The following LRP1B variants were observed in gnomAD, a reference collection of about 807,000 sequenced individuals.
LRP1B encodes the protein low-density lipoprotein receptor-related protein 1B.
A neutral mutation model predicts 556.6 loss-of-function variants in LRP1B; 217 were observed. That is an observed-to-expected ratio of 0.39 (90% CI 0.35 to 0.44). LRP1B has a LOEUF of 0.44. LRP1B is among the 20% of genes least tolerant of loss of function. LRP1B has a pLI of 1.00. For missense variants in LRP1B, 5,053 were observed against 5,620.8 expected (o/e 0.90, Z 3.23); for synonymous variants, 2,047 against 1,865.8 (o/e 1.10, Z -2.50).
intron 66 of LRP1B, among the ~76,000 whole-genome samples, chr2:140,439,867 A>T (rs997278524): frequency 1.3e-5 from 2 of 152,064 alleles, no homozygotes; most frequent in Admixed American, 1.3e-4. Context: ...ATTTCAGTAA[A>T]TATAAATATA....
At chr2:141,874,200 G>A (rs1231424680) in intron 1 of LRP1B, among the ~76,000 whole-genome samples, 2 of 146,918 alleles carry the variant, frequency 1.4e-5, no homozygotes, top group African/African-American at 5.1e-5. Flanking sequence ...TGACCAGCTG[G>A]CATACATTTC....
chr2:141,896,421 A>C (rs1169000400), intron 1 of LRP1B, among the ~76,000 whole-genome samples: 1 of 152,204 alleles, frequency 6.6e-6, no homozygotes. Flanking sequence ...TGTTTACATG[A>C]AACCATACTG....
chr2:141,572,956 G>A (rs552866750), intron 2 of LRP1B, among the ~76,000 whole-genome samples: 1 of 152,124 alleles, frequency 6.6e-6, no homozygotes, highest in African/African-American at 2.4e-5. Flanking sequence ...CATAAAACAA[G>A]TTCTTAGAGA....
chr2:141,471,268 A>ATGTTTTTTTTTTTTTTTTTTTTTTTTTT (rs1553518973), intron 3 of LRP1B, among the ~76,000 whole-genome samples: 5 of 31,900 alleles, frequency 1.6e-4, no homozygotes, highest in Non-Finnish European at 1.6e-4. Flanking sequence ...ATACCCTGGT[A>ATGTTTTTTTTTTTTTTTTTTTTTTTTTT]TTTTTTTTTT....
Position 142,088,064 on chromosome 2 carries a change from T to A in LRP1B, c.82+42584A>T, listed in dbSNP as rs551488574. 1.2e-4 allele frequency among the ~76,000 whole-genome samples: 19 copies of A among 152,264 alleles called. 2 individuals carry two copies. In the South Asian group the frequency reaches 3.1e-3, roughly 25 times the overall value. ...ATCACCAAAGGATTCACTACAGGTT[T>A]TCTTTGAATTTGACACTTAATTTTT... On this transcript the variant is annotated intron_variant, in intron 1 of 90. Transcript: ENST00000389484.
intron 41 of LRP1B, among the ~76,000 whole-genome samples, chr2:140,651,735 C>T (rs1228470702): frequency 6.6e-6 from 1 of 151,982 alleles, no homozygotes; most frequent in African/African-American, 2.4e-5. Context: ...GAGTCATGAA[C>T]ACTGAGTATT....
At chr2:140,298,173 A>G (rs542907157) in intron 83 of LRP1B, among the ~76,000 whole-genome samples, 1 of 152,298 alleles carries the variant, frequency 6.6e-6, no homozygotes, top group Admixed American at 6.5e-5. Flanking sequence ...GAAGATATCC[A>G]AGTTTCAATT....
At chr2:141,668,650 C>T (rs1690542480) in intron 2 of LRP1B, among the ~76,000 whole-genome samples, 1 of 152,180 alleles carries the variant, frequency 6.6e-6, no homozygotes, top group African/African-American at 2.4e-5. Flanking sequence ...GCCTTCTCCA[C>T]CACTCACAAA....
rs183172594 is a variant in LRP1B, at chr2:141,207,548, C to A, written c.851-18965G>T. Among the ~76,000 whole-genome samples, 94 of 152,234 alleles carry A rather than the reference C, an allele frequency of 6.2e-4. 1 individual carries two copies. The East Asian group carries it at 0.017, about 27-fold the overall frequency. On this transcript the variant is annotated intron_variant, in intron 6 of 90. Transcript: ENST00000389484. ...CAGTAAGCAAAATGGTATTTACCAA[C>A]AACATAAAAATCTAAAATAGAAGCT...
intron 32 of LRP1B, among the ~76,000 whole-genome samples, chr2:140,799,724 GCAGGCTTT>G (rs1352540698): frequency 6.6e-6 from 1 of 152,188 alleles, no homozygotes; most frequent in Non-Finnish European, 1.5e-5. Flanking sequence ...TAGAAGAAAT[GCAGGCTTT>G]CAAATCTAAA....
At chr2:141,753,517 G>A (rs1255108464) in intron 2 of LRP1B, among the ~76,000 whole-genome samples, 1 of 151,712 alleles carries the variant, frequency 6.6e-6, no homozygotes, top group Non-Finnish European at 1.5e-5. Context: ...AGGCCCATAA[G>A]AACAGCTGAC....
At chr2:141,818,324 C>T (rs1696626825) in intron 1 of LRP1B, among the ~76,000 whole-genome samples, 1 of 152,100 alleles carries the variant, frequency 6.6e-6, no homozygotes, top group African/African-American at 2.4e-5. Flanking sequence ...CCTTAATCCC[C>T]TTCCTTTACA....
At chr2:141,429,877 A>G (rs147424782) in intron 3 of LRP1B, among the ~76,000 whole-genome samples, 28 of 152,348 alleles carry the variant, frequency 1.8e-4, no homozygotes, top group Middle Eastern at 3.4e-3. Context: ...TAGAGAAAGA[A>G]GCCTATTGAC....
intron 21 of LRP1B, among the ~76,000 whole-genome samples, chr2:140,918,861 AC>A (rs1694657201): frequency 6.6e-6 from 1 of 152,054 alleles, no homozygotes; most frequent in South Asian, 2.1e-4. Flanking sequence ...AGTCTCTAGA[AC>A]TGTGAGAAAT....
intron 77 of LRP1B, among the ~76,000 whole-genome samples, chr2:140,343,783 T>C (rs532982309): frequency 6.6e-6 from 1 of 151,802 alleles, no homozygotes; most frequent in South Asian, 2.1e-4. Context: ...TGCAACAATA[T>C]GGATGAATCT....
intron 1 of LRP1B, among the ~76,000 whole-genome samples, chr2:141,916,727 T>C (rs1235211675): frequency 1.3e-5 from 2 of 151,778 alleles, no homozygotes; most frequent in Admixed American, 6.6e-5. Context: ...TGGGTAATCA[T>C]AGACATAAAG....
chr2:140,777,672 T>C (rs148357954), intron 32 of LRP1B, among the ~76,000 whole-genome samples: 134 of 152,158 alleles, frequency 8.8e-4, no homozygotes, highest in Middle Eastern at 6.8e-3. Context: ...CAAATAATAA[T>C]TTAGAAAAAA....
intron 21 of LRP1B, among the ~76,000 whole-genome samples, chr2:140,921,612 AT>A (rs1467655558): frequency 6.6e-6 from 1 of 151,978 alleles, no homozygotes; most frequent in African/African-American, 2.4e-5. Context: ...TTAAAATCAC[AT>A]TTTTCTAACA....
chr2:141,434,999 G>A (rs1322993640), intron 3 of LRP1B, among the ~76,000 whole-genome samples: 2 of 145,216 alleles, frequency 1.4e-5, no homozygotes, highest in East Asian at 1.9e-4. Flanking sequence ...GCTTAAAGCT[G>A]TACCATAGAT....
Sources: gnomAD v4.1 joint callset for allele counts (sites outside exome capture counted in the v4.1 genomes callset) on GRCh38, gnomAD v4.1.1 for gene constraint, MANE v1.5 for transcripts, NCBI Gene and HGNC (gene_info 2026-07-23, HGNC 2026-07-21) for gene names.